Variants in ULK4 observed in about 807,000 individuals in gnomAD.
ULK4 encodes the protein inactive serine/threonine-protein kinase ULK4.
In ULK4, 133 loss-of-function variants were observed where a neutral mutation model predicts 160.6. The observed-to-expected ratio is 0.83, with a 90% CI of 0.72 to 0.96. The LOEUF (loss-of-function observed/expected upper bound fraction) is 0.96. Among genes scored for constraint, ULK4 ranks in the 40% least tolerant of loss-of-function variants. ULK4 has a pLI of 0.00. For missense variants in ULK4, 1,580 were observed against 1,499.5 expected (o/e 1.05, Z -0.89); for synonymous variants, 534 against 539.8 (o/e 0.99, Z 0.15).
At chr3:41,915,884 G>T (rs1475531299) in intron 8 of ULK4, 93 bp downstream of exon 8, 4 of 839,442 alleles carry the variant, frequency 4.8e-6, no homozygotes, top group African/African-American at 1.7e-5. Context: ...AGGGGGAAAA[G>T]ATTTCATTAT....
Position 41,486,128 on chromosome 3 carries a change from C to G in ULK4, c.3227-22875G>C, listed in dbSNP as rs569005810. Among the ~76,000 whole-genome samples, 10 of 152,140 alleles carry G rather than the reference C, an allele frequency of 6.6e-5. No homozygotes were observed. In the East Asian group the frequency reaches 1.9e-3, roughly 29 times the overall value. On this transcript the variant is annotated intron_variant, in intron 32 of 36. Transcript: ENST00000301831. ...TTTACCCCACAATCAAGCATGTGCACGTATCTCATGAATATCAGTCTTCCT... is the reference window on the plus strand; with the variant it reads ...TTTACCCCACAATCAAGCATGTGCAGGTATCTCATGAATATCAGTCTTCCT...
chr3:41,385,354 T>C (rs1176810664), intron 35 of ULK4, among the ~76,000 whole-genome samples: 1 of 151,240 alleles, frequency 6.6e-6, no homozygotes, highest in African/African-American at 2.4e-5. Context: ...GTAGAGAGAG[T>C]AGGGAACAAA....
At chr3:41,799,776 T>C (rs560008405) in intron 20 of ULK4, among the ~76,000 whole-genome samples, 4 of 152,090 alleles carry the variant, frequency 2.6e-5, no homozygotes, top group Non-Finnish European at 5.9e-5. Flanking sequence ...CGCAGTAGAA[T>C]TACTTGAACC....
intron 34 of ULK4, among the ~76,000 whole-genome samples, chr3:41,426,515 T>C (rs934999735): frequency 2.6e-5 from 4 of 152,168 alleles, no homozygotes; most frequent in African/African-American, 9.7e-5. Context: ...GATCACATAA[T>C]CTGAAGCAAA....
chr3:41,581,777 G>C (rs1230818248), intron 31 of ULK4, among the ~76,000 whole-genome samples: 1 of 152,176 alleles, frequency 6.6e-6, no homozygotes, highest in Non-Finnish European at 1.5e-5. Flanking sequence ...GGCATACCAG[G>C]AGAGAGGCTA....
At chr3:41,537,257 G>T (rs912447936) in intron 32 of ULK4, among the ~76,000 whole-genome samples, 15 of 110,438 alleles carry the variant, frequency 1.4e-4, no homozygotes, top group African/African-American at 4.9e-4. Context: ...TAAATCCCAT[G>T]AAGTTATGCA....
chr3:41,257,467 G>C (rs1316682626), intron 35 of ULK4, among the ~76,000 whole-genome samples: 3 of 151,888 alleles, frequency 2.0e-5, no homozygotes, highest in Non-Finnish European at 4.4e-5. Flanking sequence ...CCTCATCTCT[G>C]CAACGAAATA....
chr3:41,302,219 A>G (rs2079815507), intron 35 of ULK4, among the ~76,000 whole-genome samples: 1 of 152,244 alleles, frequency 6.6e-6, no homozygotes, highest in South Asian at 2.1e-4. Context: ...TTTAAAAGTC[A>G]TTTTTAAAAA....
At chr3:41,440,025 G>T (rs950157638) in intron 34 of ULK4, among the ~76,000 whole-genome samples, 1 of 152,124 alleles carries the variant, frequency 6.6e-6, no homozygotes, top group African/African-American at 2.4e-5. Flanking sequence ...AAATAAAATA[G>T]ATTTTTTTGC....
chr3:41,519,653 G>A (rs537055470), intron 32 of ULK4, among the ~76,000 whole-genome samples: 1 of 152,232 alleles, frequency 6.6e-6, no homozygotes, highest in South Asian at 2.1e-4. Flanking sequence ...TTAAACATAA[G>A]ACACAGTGCG....
chr3:41,724,243 T>C (rs1480500517), intron 22 of ULK4, among the ~76,000 whole-genome samples: 2 of 152,230 alleles, frequency 1.3e-5, no homozygotes, highest in Non-Finnish European at 2.9e-5. Context: ...GCTATTTCAA[T>C]TAATGAATAG....
intron 34 of ULK4, among the ~76,000 whole-genome samples, chr3:41,443,697 G>A (rs2083224568): frequency 6.6e-6 from 1 of 151,778 alleles, no homozygotes; most frequent in South Asian, 2.1e-4. Context: ...TCTGCTCTTT[G>A]TATATATATC....
At position 41,776,007 on chromosome 3, in the gene ULK4, T is replaced by A. The variant is rs369451605; in HGVS notation, c.2193+13654A>T. On this transcript the variant is annotated intron_variant, in intron 21 of 36. Coordinates refer to ENST00000301831, the MANE Select transcript of ULK4 (RefSeq NM_017886.4). ...ATTTTTCCAAATTTCTTTGTACACATGTATTTTTTGGCTCAGGTATGTGCA... is the reference window on the plus strand; with the variant it reads ...ATTTTTCCAAATTTCTTTGTACACAAGTATTTTTTGGCTCAGGTATGTGCA... 1.8e-3 allele frequency among the ~76,000 whole-genome samples: 265 copies of A among 151,072 alleles called. 28 individuals carry two copies. Among genetic ancestry groups the A allele is most frequent in the African/African-American group, 6.5e-3 (261 of 40,384 alleles).
At chr3:41,454,504 C>G (rs1381035567) in intron 34 of ULK4, among the ~76,000 whole-genome samples, 8 of 137,286 alleles carry the variant, frequency 5.8e-5, no homozygotes, top group Non-Finnish European at 3.0e-5. Flanking sequence ...CATGCCACTT[C>G]ACTCCAGCCT....
intron 31 of ULK4, among the ~76,000 whole-genome samples, chr3:41,601,642 A>G (rs1006307558): frequency 6.6e-6 from 1 of 152,020 alleles, no homozygotes; most frequent in African/African-American, 2.4e-5. Flanking sequence ...TAAGAATGAT[A>G]CCTCGTCTCT....
chr3:41,447,580 T>C (rs975719362), intron 34 of ULK4, among the ~76,000 whole-genome samples: 5 of 152,012 alleles, frequency 3.3e-5, no homozygotes, highest in Admixed American at 1.3e-4. Flanking sequence ...ATCTAAACAT[T>C]GAATGTCAGA....
At chr3:41,856,510 T>C (rs2042339170) in intron 17 of ULK4, among the ~76,000 whole-genome samples, 1 of 95,404 alleles carries the variant, frequency 1.0e-5, no homozygotes, top group African/African-American at 4.8e-5. Flanking sequence ...AATAAATAAA[T>C]AAATATATAT....
At chr3:41,280,435 G>T (rs1381281203) in intron 35 of ULK4, among the ~76,000 whole-genome samples, 1 of 152,102 alleles carries the variant, frequency 6.6e-6, no homozygotes, top group African/African-American at 2.4e-5. Context: ...CAATGTAAAA[G>T]AACAGAAATC....
rs1216303578 is a variant in ULK4 at position 41,716,093 on chromosome 3, G to A, written c.2456-525C>T. On this transcript the variant is annotated intron_variant, in intron 23 of 36. Transcript: ENST00000301831. ...CTGGGCATGATGGTGTGCGCCTGTA[G>A]TCCCAGCTACTTGGGAGGCTGAGGC... 2.0e-5 allele frequency among the ~76,000 whole-genome samples: 3 copies of A among 151,154 alleles called. No homozygotes were observed. In the East Asian group the frequency reaches 5.8e-4, roughly 29 times the overall value.
Sources: gnomAD v4.1 joint callset for allele counts (sites outside exome capture counted in the v4.1 genomes callset) on GRCh38, gnomAD v4.1.1 for gene constraint, MANE v1.5 for transcripts, NCBI Gene and HGNC (gene_info 2026-07-23, HGNC 2026-07-21) for gene names.